Variants in PDZRN3 observed in about 807,000 individuals in gnomAD.
The protein encoded by PDZRN3 is E3 ubiquitin-protein ligase PDZRN3.
Under a neutral mutation model 85.7 loss-of-function variants are expected in PDZRN3, and 38 were observed. The ratio of observed to expected loss-of-function variants is 0.44; its 90% CI spans 0.34 to 0.58. The LOEUF is 0.58. Ranked by LOEUF, PDZRN3 falls within the 20% of genes least tolerant of loss-of-function variation. The pLI, the probability that PDZRN3 is intolerant of heterozygous loss-of-function variation, is 0.01. For missense variants in PDZRN3, 1,629 were observed against 1,506.4 expected, an observed-to-expected ratio of 1.08 and a Z score of -1.35; for synonymous variants, 759 against 638.0, an observed-to-expected ratio of 1.19 and a Z score of -2.86.
At chr3:73,443,114 T>G (rs915035157) in intron 3 of PDZRN3, among the ~76,000 whole-genome samples, 23 of 152,050 alleles carry the variant, frequency 1.5e-4, no homozygotes, top group Non-Finnish European at 1.9e-4. Flanking sequence ...TGGGTGGAAA[T>G]AAAAACCTCA....
At chr3:73,411,441 G>C (rs1701964956) in intron 3 of PDZRN3, among the ~76,000 whole-genome samples, 1 of 152,222 alleles carries the variant, frequency 6.6e-6, no homozygotes, top group African/African-American at 2.4e-5. Flanking sequence ...CCTGCTTAGG[G>C]ATGTGTAGGC....
chr3:73,506,071 T>G (rs1411998091), intron 3 of PDZRN3, among the ~76,000 whole-genome samples: 1 of 152,124 alleles, frequency 6.6e-6, no homozygotes, highest in African/African-American at 2.4e-5. Flanking sequence ...TCCACTGTGA[T>G]CCCCTCCATC....
chr3:73,420,026 G>A (rs1702168651), intron 3 of PDZRN3, among the ~76,000 whole-genome samples: 1 of 152,128 alleles, frequency 6.6e-6, no homozygotes, highest in Non-Finnish European at 1.5e-5. Flanking sequence ...ACTTGCTTTA[G>A]CTCCAGGAAT....
intron 3 of PDZRN3, among the ~76,000 whole-genome samples, chr3:73,418,028 A>G (rs1319124408): frequency 5.3e-5 from 8 of 152,252 alleles, no homozygotes; most frequent in African/African-American, 1.7e-4. Context: ...TCTTTCTCAA[A>G]GATTTATAAA....
At chr3:73,458,174 G>A (rs1047627696) in intron 3 of PDZRN3, among the ~76,000 whole-genome samples, 6 of 152,068 alleles carry the variant, frequency 3.9e-5, no homozygotes, top group Non-Finnish European at 7.3e-5. Flanking sequence ...TTGTCAATGG[G>A]TTACAGTTTA....
intron 3 of PDZRN3, among the ~76,000 whole-genome samples, chr3:73,411,761 C>T (rs1177900807): frequency 6.6e-6 from 1 of 152,182 alleles, no homozygotes; most frequent in Non-Finnish European, 1.5e-5. Context: ...CCATGAAAGT[C>T]GCTATCAGCC....
chr3:73,511,954 C>T (rs1704174447), intron 3 of PDZRN3, among the ~76,000 whole-genome samples: 1 of 152,244 alleles, frequency 6.6e-6, no homozygotes, highest in Non-Finnish European at 1.5e-5. Flanking sequence ...AAGTAAACTT[C>T]TGATTGGTAC....
chr3:73,389,106 T>C (rs892918261), intron 7 of PDZRN3, among the ~76,000 whole-genome samples: 2 of 151,560 alleles, frequency 1.3e-5, no homozygotes, highest in African/African-American at 4.9e-5. Flanking sequence ...TGACCTGTGG[T>C]GAGGTATGCA....
At chr3:73,524,965 T>C (rs1407694787) in intron 3 of PDZRN3, among the ~76,000 whole-genome samples, 1 of 150,382 alleles carries the variant, frequency 6.6e-6, no homozygotes, top group African/African-American at 2.4e-5. Flanking sequence ...CTGATTCATA[T>C]ATATGAAAAT....
intron 6 of PDZRN3, among the ~76,000 whole-genome samples, 161 bp downstream of exon 6, chr3:73,390,857 C>T (rs1006416039): frequency 5.3e-5 from 8 of 152,024 alleles, no homozygotes; most frequent in African/African-American, 1.9e-4. Context: ...AACTTAACCT[C>T]CGTGGAAAGA....
intron 3 of PDZRN3, among the ~76,000 whole-genome samples, chr3:73,518,014 C>A (rs187913118): frequency 7.9e-5 from 12 of 152,102 alleles, no homozygotes; most frequent in Admixed American, 1.3e-4. Context: ...GGGTATATAC[C>A]CAAAAGAATG....
intron 3 of PDZRN3, among the ~76,000 whole-genome samples, chr3:73,536,477 C>T (rs1704789082): frequency 6.6e-6 from 1 of 152,202 alleles, no homozygotes; most frequent in Admixed American, 6.5e-5. Context: ...GCTGGCATGA[C>T]AGGTATGTGT....
At chr3:73,511,627 C>A (rs1309765715) in intron 3 of PDZRN3, among the ~76,000 whole-genome samples, 1 of 152,240 alleles carries the variant, frequency 6.6e-6, no homozygotes, top group East Asian at 1.9e-4. Flanking sequence ...CAGATAATGG[C>A]AGCATTTCTC....
intron 3 of PDZRN3, among the ~76,000 whole-genome samples, chr3:73,567,387 T>C (rs967291554): frequency 6.6e-6 from 1 of 152,170 alleles, no homozygotes; most frequent in Non-Finnish European, 1.5e-5. Flanking sequence ...AAAATCTGTT[T>C]TTAAAAAAAT....
chr3:73,479,977 C>T (rs545920489), intron 3 of PDZRN3, among the ~76,000 whole-genome samples: 12 of 145,066 alleles, frequency 8.3e-5, no homozygotes, highest in African/African-American at 2.7e-4. Context: ...CAGATACAGG[C>T]ACCAGGTGTT....
chr3:73,560,250 A>T (rs1701788019), intron 3 of PDZRN3, among the ~76,000 whole-genome samples: 1 of 152,210 alleles, frequency 6.6e-6, no homozygotes, highest in Non-Finnish European at 1.5e-5. Context: ...AATATTCACA[A>T]ATCTGCCAAA....
At chr3:73,474,571 GC>G (rs1703412191) in intron 3 of PDZRN3, 1 of 1,282,382 alleles carries the variant, frequency 7.8e-7, no homozygotes, top group African/African-American at 1.5e-5. Context: ...AAGGCAGCCT[GC>G]AGGTCCGCAG....
At chr3:73,620,616 A>G (rs1183424036) in intron 1 of PDZRN3, among the ~76,000 whole-genome samples, 1 of 128,030 alleles carries the variant, frequency 7.8e-6, no homozygotes, top group African/African-American at 3.0e-5. Flanking sequence ...TTGCTCTTTC[A>G]CCCAGGCCGG....
In PDZRN3 at chr3:73,424,367, C is replaced by CAG. The variant is rs1702264985; in HGVS notation, c.919-19973_919-19972insCT. ...TAACATGGTGAAACCCCGTCTCTAC[C>CAG]AAAAAAAAAAAAAAAAAAAAAAAAA... On this transcript the variant is annotated intron_variant, in intron 3 of 9. Coordinates refer to ENST00000263666, the MANE Select transcript of PDZRN3 (RefSeq NM_015009.3). Among the ~76,000 whole-genome samples the CAG allele has an allele frequency of 5.5e-5, 3 of 54,854 alleles. No individual in the cohort carries two copies. The South Asian group carries it at 2.5e-3, about 46-fold the overall frequency. The allele number at this position is 54,854 out of a possible 152,430, so 36.0% of individuals were successfully genotyped here. A position where few individuals can be genotyped will look rare whatever the true frequency, so the allele number is the denominator to read the frequency against.
Sources: allele counts gnomAD v4.1 joint callset (sites outside exome capture counted in the v4.1 genomes callset), GRCh38; gene constraint gnomAD v4.1.1; transcripts MANE v1.5; gene names NCBI Gene and HGNC (gene_info 2026-07-23, HGNC 2026-07-21).